PLD5: variants seen among roughly 807,000 people sequenced by gnomAD.
PLD5 encodes inactive phospholipase D5.
PLD5 carries 36 observed loss-of-function variants against 61.1 expected under a neutral mutation model. The observed-to-expected ratio is 0.59, with a 90% CI of 0.45 to 0.78. PLD5 has a LOEUF of 0.78. Among genes scored for constraint, PLD5 ranks in the 30% least tolerant of loss-of-function variants. The probability of loss-of-function intolerance (pLI) is 0.00; values close to 1 mark genes in which losing one functional copy is unlikely to be tolerated. For synonymous variants in PLD5, 243 were observed against 242.8 expected, an observed-to-expected ratio of 1.00 and a Z score of -0.01; for missense variants, 515 against 644.4, an observed-to-expected ratio of 0.80 and a Z score of 2.17.
At chr1:242,399,574 A>G (rs1238178222) in intron 1 of PLD5, among the ~76,000 whole-genome samples, 1 of 152,226 alleles carries the variant, frequency 6.6e-6, no homozygotes, top group Non-Finnish European at 1.5e-5. Context: ...TATAAAACAA[A>G]GAATTCTTCT....
chr1:242,494,797 T>C (rs1668309088), intron 1 of PLD5, among the ~76,000 whole-genome samples: 1 of 152,222 alleles, frequency 6.6e-6, no homozygotes, highest in African/African-American at 2.4e-5. Flanking sequence ...ATATAACTCA[T>C]GGTCTATATT....
rs910660936 is a variant in PLD5 at position 242,086,731 on chromosome 1, C to A, written c.*3123G>T. On this transcript the variant is annotated 3_prime_UTR_variant, in exon 10 of 10. Coordinates refer to ENST00000536534, the MANE Select transcript of PLD5 (RefSeq NM_001372062.1). Reference sequence around the variant, plus strand: ...AGAGAAGTGTTCTCATAGAATAAGTCATTGTTTAAAATCAACACTTGAGGA... The same window carrying A: ...AGAGAAGTGTTCTCATAGAATAAGTAATTGTTTAAAATCAACACTTGAGGA... 1 of 151,948 alleles carries A rather than the reference C, an allele frequency of 6.6e-6. No individual in the cohort carries two copies. Among genetic ancestry groups the A allele is most frequent in the African/African-American group, 2.4e-5 (1 of 41,224 alleles). The allele number at this position is 151,948 out of a possible 1,614,324, so 9.4% of individuals were successfully genotyped here. A position where few individuals can be genotyped will look rare whatever the true frequency, so the allele number is the denominator to read the frequency against.
At chr1:242,374,308 T>C (rs143415837) in intron 1 of PLD5, among the ~76,000 whole-genome samples, 102 of 152,352 alleles carry the variant, frequency 6.7e-4, no homozygotes, top group African/African-American at 2.1e-3. Flanking sequence ...ATGGTTTACA[T>C]ATGCGTTCTT....
chr1:242,453,658 T>G (rs1210914489), intron 1 of PLD5, among the ~76,000 whole-genome samples: 1 of 152,160 alleles, frequency 6.6e-6, no homozygotes, highest in African/African-American at 2.4e-5. Context: ...CTATGGCCAC[T>G]GCGACACCCA....
At chr1:242,422,386 T>C (rs1665192592) in intron 1 of PLD5, among the ~76,000 whole-genome samples, 1 of 152,190 alleles carries the variant, frequency 6.6e-6, no homozygotes, top group Non-Finnish European at 1.5e-5. Flanking sequence ...CTCAGGACTT[T>C]ACACAGATAA....
intron 1 of PLD5, among the ~76,000 whole-genome samples, chr1:242,471,725 A>G (rs1365699290): frequency 6.6e-6 from 1 of 152,202 alleles, no homozygotes; most frequent in African/African-American, 2.4e-5. Flanking sequence ...CTGGATTCCT[A>G]AAACAGAGTT....
chr1:242,451,889 C>G (rs1467334141), intron 1 of PLD5, among the ~76,000 whole-genome samples: 6 of 152,214 alleles, frequency 3.9e-5, no homozygotes, highest in African/African-American at 1.2e-4. Context: ...GTACCTTATA[C>G]TTCAGTCACA....
At chr1:242,129,429 T>C (rs993464918) in intron 5 of PLD5, among the ~76,000 whole-genome samples, 1 of 152,178 alleles carries the variant, frequency 6.6e-6, no homozygotes, top group Non-Finnish European at 1.5e-5. Flanking sequence ...CTGTCGATGA[T>C]GGAAAAAAAA....
rs76770859 is a variant in PLD5 at position 242,506,399 on chromosome 1, G to C, written c.189+17689C>G. ...TTCAAGGAAGAAGATGAACTTCCCA[G>C]ACAGAGATATGAGCAGCTCAGGATT... On this transcript the variant is annotated intron_variant, in intron 1 of 9. Coordinates refer to ENST00000536534, the MANE Select transcript of PLD5 (RefSeq NM_001372062.1). 6.0e-3 allele frequency among the ~76,000 whole-genome samples: 914 copies of C among 152,296 alleles called. 9 individuals are homozygous for C. Among genetic ancestry groups the C allele is most frequent in the African/African-American group, 0.021 (870 of 41,566 alleles).
chr1:242,394,262 GTA>G (rs1401438974), intron 1 of PLD5, among the ~76,000 whole-genome samples: 1 of 81,120 alleles, frequency 1.2e-5, no homozygotes, highest in African/African-American at 6.5e-5. Flanking sequence ...ATATATATGA[GTA>G]TGAGTATATA....
At position 242,231,750 on chromosome 1, in the gene PLD5, T is replaced by A. The variant is rs567430227; in HGVS notation, c.608-11635A>T. Among the ~76,000 whole-genome samples the A allele has an allele frequency of 3.9e-5, 6 of 152,268 alleles. No homozygotes were observed. The South Asian group carries it at 1.2e-3, about 32-fold the overall frequency. Reference sequence around the variant, plus strand: ...ATAATTCAATAGAGGAGATCTAATATAGGATTGGCAGCACTGAATGCTGAA... The same window carrying A: ...ATAATTCAATAGAGGAGATCTAATAAAGGATTGGCAGCACTGAATGCTGAA... On this transcript the variant is annotated intron_variant, in intron 4 of 9. Transcript: ENST00000536534.
At chr1:242,152,533 G>A (rs1665012458) in intron 5 of PLD5, among the ~76,000 whole-genome samples, 1 of 151,654 alleles carries the variant, frequency 6.6e-6, no homozygotes, top group South Asian at 2.1e-4. Context: ...AGGCCCCAGT[G>A]TGTGATGTTT....
At chr1:242,329,944 G>A (rs1016768898) in intron 2 of PLD5, among the ~76,000 whole-genome samples, 2 of 152,172 alleles carry the variant, frequency 1.3e-5, no homozygotes, top group African/African-American at 4.8e-5. Context: ...GAGATTCAAT[G>A]TTTATGAGTT....
At chr1:242,411,227 T>TG (rs1664531802) in intron 1 of PLD5, among the ~76,000 whole-genome samples, 2 of 132,736 alleles carry the variant, frequency 1.5e-5, no homozygotes, top group Admixed American at 7.6e-5. Flanking sequence ...CCTGTGGTTT[T>TG]GTTTTTTTGT....
chr1:242,148,058 C>G (rs1664658831), intron 5 of PLD5, among the ~76,000 whole-genome samples: 1 of 151,996 alleles, frequency 6.6e-6, no homozygotes, highest in Non-Finnish European at 1.5e-5. Flanking sequence ...CCTTATAGAT[C>G]ATGTTTTGAA....
chr1:242,089,859 C>A lies in PLD5; in HGVS notation c.1606G>T (p.Val536Leu). The A allele has an allele frequency of 6.2e-7, 1 of 1,614,088 alleles. No individual in the cohort carries two copies. The highest frequency in any genetic ancestry group is 8.5e-7 in the Non-Finnish European group (1 of 1,180,020). The change falls in exon 10 of 10, where the codon GTA becomes TTA. Residue 536 changes from valine to leucine, a missense_variant. Val to Leu is a conservative substitution (Grantham distance 32). Around this residue, in one of 2 missense-constraint regions of PLD5, gnomAD observed 450 missense variants for 598.1 expected, o/e 0.75. Transcript: ENST00000536534. Reference protein sequence around the residue: ...DDTGGKDPRNV With the variant: ...DDTGGKDPRNL ...CTGTCAGTTTCTTCATCATGTTATA[C>A]GTTCCGGGGATCCTTTCCGCCTGTG...
chr1:242,384,951 G>A lies in PLD5; in HGVS notation c.190-36709C>T, dbSNP rs564894847. ...AATATTCATCAGTAGGACACATGGC[G>A]AATTCTGAGTCGGAGGAAGGAAAAG... On this transcript the variant is annotated intron_variant, in intron 1 of 9. Transcript: ENST00000536534. 4.6e-5 allele frequency among the ~76,000 whole-genome samples: 7 copies of A among 152,268 alleles called. No individual in the cohort carries two copies. The South Asian group carries it at 8.3e-4, about 18-fold the overall frequency.
intron 5 of PLD5, among the ~76,000 whole-genome samples, chr1:242,125,713 C>G (rs1454369685): frequency 6.6e-6 from 1 of 152,100 alleles, no homozygotes; most frequent in Admixed American, 6.6e-5. Context: ...TAGTAAACTC[C>G]CTTTTTATCC....
intron 2 of PLD5, among the ~76,000 whole-genome samples, chr1:242,307,665 T>C (rs56394930): frequency 0.014 from 2,164 of 152,186 alleles, 55 homozygotes; most frequent in African/African-American, 0.049. Flanking sequence ...GGACAACAGT[T>C]CAAAACCAGC....
Sources: gnomAD v4.1 joint callset for allele counts (sites outside exome capture counted in the v4.1 genomes callset) on GRCh38, gnomAD v4.1.1 for gene constraint, gnomAD v4.1.1 regional missense constraint, MANE v1.5 for transcripts, NCBI Gene and HGNC (gene_info 2026-07-23, HGNC 2026-07-21) for gene names.